FBXO22: variants seen among roughly 807,000 people sequenced by gnomAD.
FBXO22 encodes the protein F-box protein 22, also known as F-box only protein 22.
A neutral mutation model predicts 37.2 loss-of-function variants in FBXO22; 13 were observed. The observed-to-expected ratio is 0.35, with a 90% CI of 0.23 to 0.56. FBXO22 has a LOEUF of 0.56. FBXO22 is among the 20% of genes least tolerant of loss of function. The pLI, the probability that FBXO22 is intolerant of heterozygous loss-of-function variation, is 0.87. For missense variants in FBXO22, 446 were observed against 509.9 expected (o/e 0.87, Z 1.21); for synonymous variants, 189 against 189.1 (o/e 1.00, Z 0.00).
intron 2 of FBXO22, among the ~76,000 whole-genome samples, chr15:75,906,298 C>T (rs1899927901): frequency 1.3e-5 from 2 of 152,130 alleles, no homozygotes; most frequent in Non-Finnish European, 2.9e-5. Flanking sequence ...AAGGTCTAGA[C>T]TCTCTAAGTG....
intron 2 of FBXO22, among the ~76,000 whole-genome samples, chr15:75,906,120 T>C (rs1467831336): frequency 6.6e-6 from 1 of 152,204 alleles, no homozygotes; most frequent in Non-Finnish European, 1.5e-5. Context: ...TAGGAGCTCC[T>C]TCAGGCTGGC....
At position 75,937,147 on chromosome 15, in the gene FBXO22, C is replaced by T. The variant is rs1360740781; in HGVS notation, c.*4045C>T. On this transcript the variant is annotated 3_prime_UTR_variant, in exon 7 of 7. Transcript: ENST00000308275. ...TAGGGAGGAATAAAACATAATTGAC[C>T]CCAGCGACATCAGCAAAAATGGGTG... 1.3e-5 allele frequency: 2 copies of T among 151,288 alleles called. No individual in the cohort carries two copies. The highest frequency in any genetic ancestry group is 4.9e-5 in the African/African-American group (2 of 41,144). The allele number at this position is 151,288 out of a possible 1,614,324, so 9.4% of individuals were successfully genotyped here. A position where few individuals can be genotyped will look rare whatever the true frequency, so the allele number is the denominator to read the frequency against.
At chr15:75,927,413 G>T (rs902355728) in intron 5 of FBXO22, among the ~76,000 whole-genome samples, 3 of 152,248 alleles carry the variant, frequency 2.0e-5, no homozygotes, top group Non-Finnish European at 4.4e-5. Flanking sequence ...TTGAGATTTA[G>T]AAGTCATGAG....
chr15:75,920,639 T>C (rs1055718128), intron 5 of FBXO22, among the ~76,000 whole-genome samples: 13 of 151,734 alleles, frequency 8.6e-5, no homozygotes, highest in African/African-American at 2.9e-4. Context: ...CTGGACAATA[T>C]AGTGAGACCT....
intron 1 of FBXO22, 52 bp from the exon 2 acceptor site, chr15:75,904,439 A>G: frequency 6.2e-7 from 1 of 1,611,934 alleles, no homozygotes; most frequent in Non-Finnish European, 8.5e-7. Flanking sequence ...GAGCTGTGGG[A>G]GAGACGAAAA....
intron 5 of FBXO22, among the ~76,000 whole-genome samples, chr15:75,927,873 G>C (rs2029877590): frequency 6.6e-6 from 1 of 152,144 alleles, no homozygotes; most frequent in Admixed American, 6.5e-5. Context: ...TGTCAAGGTG[G>C]AAGTCATGTG....
intron 3 of FBXO22, 116 bp from the exon 4 acceptor site, chr15:75,913,994 G>A (rs1421005579): frequency 1.4e-6 from 1 of 691,486 alleles, no homozygotes; most frequent in African/African-American, 1.8e-5. Flanking sequence ...CCTTTATTTA[G>A]AGCATTCTCG....
chr15:75,925,005 T>C (rs1465418311), intron 5 of FBXO22, among the ~76,000 whole-genome samples: 1 of 152,204 alleles, frequency 6.6e-6, no homozygotes, highest in East Asian at 1.9e-4. Context: ...AAAGCTTTCC[T>C]ATTGATTTTT....
rs184587 is a variant in FBXO22 at position 75,941,920 on chromosome 15, A to G, written c.*8818A>G. 1 of 141,998 alleles carries G rather than the reference A, an allele frequency of 7.0e-6. No individual in the cohort carries two copies. Among genetic ancestry groups the G allele is most frequent in the African/African-American group, 2.6e-5 (1 of 37,930 alleles). The allele number at this position is 141,998 out of a possible 1,614,324, so 8.8% of individuals were successfully genotyped here. On this transcript the variant is annotated 3_prime_UTR_variant, in exon 7 of 7. Coordinates refer to ENST00000308275, the MANE Select transcript of FBXO22 (RefSeq NM_147188.3). ...ATTTAAATCTTACGTACATTTTGCC[A>G]CAGTAAATTTTTAAACCACCAAAAA...
At chr15:75,927,499 G>T (rs1351987348) in intron 5 of FBXO22, among the ~76,000 whole-genome samples, 1 of 152,112 alleles carries the variant, frequency 6.6e-6, no homozygotes, top group Non-Finnish European at 1.5e-5. Context: ...TTGTCCTGGG[G>T]TAGTAGTCAC....
chr15:75,940,611 A>T lies in FBXO22; in HGVS notation c.*7509A>T, dbSNP rs1220482776. ...AACTTACTATAATGCTACAGTAATCAAAACAATGTGATTCTGGCATAAAGG... is the reference window on the plus strand; with the variant it reads ...AACTTACTATAATGCTACAGTAATCTAAACAATGTGATTCTGGCATAAAGG... On this transcript the variant is annotated 3_prime_UTR_variant, in exon 7 of 7. Coordinates refer to ENST00000308275, the MANE Select transcript of FBXO22 (RefSeq NM_147188.3). The T allele has an allele frequency of 6.6e-5, 10 of 152,168 alleles. No individual in the cohort carries two copies. The highest frequency in any genetic ancestry group is 2.4e-4 in the African/African-American group (10 of 41,446). The allele number at this position is 152,168 out of a possible 1,614,324, so 9.4% of individuals were successfully genotyped here.
At chr15:75,905,376 T>A (rs1899905027) in intron 2 of FBXO22, among the ~76,000 whole-genome samples, 1 of 152,184 alleles carries the variant, frequency 6.6e-6, no homozygotes, top group Non-Finnish European at 1.5e-5. Flanking sequence ...CCAGGAGAGA[T>A]GAAGACTCGA....
chr15:75,916,377 C>G (rs1900190225), intron 4 of FBXO22, among the ~76,000 whole-genome samples: 1 of 152,180 alleles, frequency 6.6e-6, no homozygotes, highest in African/African-American at 2.4e-5. Context: ...GGGATGGTCT[C>G]TCTGAAGCTT....
chr15:75,910,610 G>C (rs1037230567), intron 2 of FBXO22, among the ~76,000 whole-genome samples: 1 of 151,932 alleles, frequency 6.6e-6, no homozygotes, highest in Non-Finnish European at 1.5e-5. Flanking sequence ...CTTTTTGATG[G>C]GGTTGTTTTT....
At chr15:75,922,395 G>T (rs980208862) in intron 5 of FBXO22, among the ~76,000 whole-genome samples, 1 of 152,212 alleles carries the variant, frequency 6.6e-6, no homozygotes, top group African/African-American at 2.4e-5. Context: ...TGCTGTAGGG[G>T]TTCTGCCAGT....
chr15:75,926,651 A>T, intron 5 of FBXO22, among the ~76,000 whole-genome samples: 1 of 152,210 alleles, frequency 6.6e-6, no homozygotes, highest in Non-Finnish European at 1.5e-5. Context: ...TTGAGGGCGT[A>T]TCCGGGAAAA....
chr15:75,919,818 G>A (rs776482925), intron 5 of FBXO22, among the ~76,000 whole-genome samples: 1 of 152,186 alleles, frequency 6.6e-6, no homozygotes, highest in Non-Finnish European at 1.5e-5. Flanking sequence ...GCATACATGT[G>A]TCTGGGCTTG....
At chr15:75,921,841 A>G (rs1179711718) in intron 5 of FBXO22, among the ~76,000 whole-genome samples, 1 of 152,130 alleles carries the variant, frequency 6.6e-6, no homozygotes, top group Non-Finnish European at 1.5e-5. Context: ...TACAGAGTCA[A>G]GATAATATCA....
rs762495928 is a variant in FBXO22, at chr15:75,933,242, A to G, written c.*140A>G. On this transcript the variant is annotated 3_prime_UTR_variant, in exon 7 of 7. Transcript: ENST00000308275. ...GCTTTGATTGATGCTCTAAGATCAC[A>G]TGAGGGTAGTATTTAATATATTAGA... The G allele has an allele frequency of 1.4e-4, 98 of 694,704 alleles. No homozygotes were observed. Among genetic ancestry groups the G allele is most frequent in the Non-Finnish European group, 2.1e-4 (90 of 424,460 alleles). The allele number at this position is 694,704 out of a possible 1,614,324, so 43.0% of individuals were successfully genotyped here. A position where few individuals can be genotyped will look rare whatever the true frequency, so the allele number is the denominator to read the frequency against.
Sources: allele counts gnomAD v4.1 joint callset (sites outside exome capture counted in the v4.1 genomes callset), GRCh38; gene constraint gnomAD v4.1.1; transcripts MANE v1.5; gene names NCBI Gene and HGNC (gene_info 2026-07-23, HGNC 2026-07-21).